ELP2: variants seen among roughly 807,000 people sequenced by gnomAD.
ELP2 encodes elongator acetyltransferase complex subunit 2, also known as elongator complex protein 2.
A neutral mutation model predicts 119.2 loss-of-function variants in ELP2; 90 were observed. The ratio of observed to expected loss-of-function variants is 0.75; its 90% CI spans 0.64 to 0.90. The LOEUF is 0.90. ELP2 is among the 40% of genes least tolerant of loss of function. ELP2 has a pLI of 0.00. For synonymous variants in ELP2, 339 were observed against 331.0 expected, an observed-to-expected ratio of 1.02 and a Z score of -0.26; for missense variants, 921 against 967.8, an observed-to-expected ratio of 0.95 and a Z score of 0.64.
rs1340596028 is a variant in ELP2 at position 36,146,269 on chromosome 18, G to A, written c.1013G>A (p.Gly338Asp). 6.2e-7 allele frequency: 1 copy of A among 1,613,998 alleles called. No individual in the cohort carries two copies. Among genetic ancestry groups the A allele is most frequent in the Non-Finnish European group, 8.5e-7 (1 of 1,179,988 alleles). ...GTACAGGTTCGAGTAGGTGAAGTAG[G>A]TGGGAATACTTTGGGATTTTATGAT... ...WLEQVRVGEV[G>D]GNTLGFYDCQ... Residue 338 changes from glycine (G) to aspartate (D), a missense_variant, in exon 11 of 22, where the codon GGT (glycine) becomes GAT (aspartate). Physicochemically the swap from Gly to Asp is moderately conservative, Grantham distance 94. Coordinates refer to ENST00000358232, the MANE Select transcript of ELP2 (RefSeq NM_018255.4).
intron 17 of ELP2, among the ~76,000 whole-genome samples, chr18:36,163,275 G>GGGGTGTGTGTGT (rs1555644861): frequency 1.1e-4 from 16 of 145,360 alleles, no homozygotes; most frequent in African/African-American, 3.3e-4. Flanking sequence ...GTTCATGGGG[G>GGGGTGTGTGTGT]GTGTGTGTGT....
Position 36,174,693 on chromosome 18 carries a change from T to A in ELP2, c.*52T>A. On this transcript the variant is annotated 3_prime_UTR_variant, in exon 22 of 22. Transcript: ENST00000358232. ...TCACTGGTATCTTAAAATATTATCA[T>A]GTAAACAGGTCATCTTTACCTTCAT... 1 of 1,570,400 alleles carries A rather than the reference T, an allele frequency of 6.4e-7. No homozygotes were observed.
intron 1 of ELP2, 89 bp from the exon 2 acceptor site, chr18:36,133,149 A>G: frequency 1.1e-6 from 1 of 893,046 alleles, no homozygotes; most frequent in Non-Finnish European, 1.8e-6. Context: ...TTTTACTAGC[A>G]TCGAAAACAC....
chr18:36,137,111 C>T (rs959966403), intron 3 of ELP2: 5 of 152,106 alleles, frequency 3.3e-5, no homozygotes, highest in East Asian at 1.9e-4. Context: ...TGTCATTCCC[C>T]GTCTCTAGTT....
At chr18:36,130,361 C>T (rs1198137727) in intron 1 of ELP2, among the ~76,000 whole-genome samples, 1 of 152,226 alleles carries the variant, frequency 6.6e-6, no homozygotes, top group African/African-American at 2.4e-5. Flanking sequence ...TACCTGAAGC[C>T]TTCCTTGGGA....
Position 36,178,484 on chromosome 18 carries a change from T to C in ELP2, c.*3843T>C, listed in dbSNP as rs2091270852. ...ATCCAGTGCAATGTATGAACCTTGT[T>C]TGCCTCTTGATCTGAACTAGCCAAT... On this transcript the variant is annotated 3_prime_UTR_variant, in exon 22 of 22. Coordinates refer to ENST00000358232, the MANE Select transcript of ELP2 (RefSeq NM_018255.4). 1 of 152,294 alleles carries C rather than the reference T, an allele frequency of 6.6e-6. No individual in the cohort carries two copies. The highest frequency in any genetic ancestry group is 2.4e-5 in the African/African-American group (1 of 41,570). 9.4% of individuals were successfully genotyped at this position (152,294 alleles called of 1,614,324 possible). A position where few individuals can be genotyped will look rare whatever the true frequency, so the allele number is the denominator to read the frequency against.
chr18:36,146,185 G>C (rs1025823800), intron 10 of ELP2, 65 bp from the exon 11 acceptor site: 1 of 1,604,998 alleles, frequency 6.2e-7, no homozygotes, highest in Admixed American at 1.7e-5. Context: ...TCTGGAATCA[G>C]CGATTTCTGT....
intron 8 of ELP2, among the ~76,000 whole-genome samples, chr18:36,143,780 A>G (rs963793004): frequency 2.0e-5 from 3 of 152,202 alleles, no homozygotes; most frequent in Non-Finnish European, 4.4e-5. Context: ...CATATTAGTA[A>G]GATTTTTAAA....
At chr18:36,135,731 T>C (rs553142033) in intron 2 of ELP2, among the ~76,000 whole-genome samples, 82 of 152,310 alleles carry the variant, frequency 5.4e-4, no homozygotes, top group Admixed American at 2.2e-3. Context: ...CAAGAGTGTT[T>C]AGCCTGCATC....
At chr18:36,139,611 C>G in intron 5 of ELP2, 1 of 1,527,546 alleles carries the variant, frequency 6.5e-7, no homozygotes, top group Non-Finnish European at 8.8e-7. Context: ...GCATTCAGGC[C>G]AAGTGACTGG....
chr18:36,168,586 A>ACTCACT (rs1234230197), intron 19 of ELP2, among the ~76,000 whole-genome samples: 4 of 152,094 alleles, frequency 2.6e-5, no homozygotes, highest in Non-Finnish European at 4.4e-5. Context: ...GTGAGAACTC[A>ACTCACT]CTCACTATCA....
chr18:36,169,998 CTG>C (rs2091029121), intron 19 of ELP2, 63 bp from the exon 20 acceptor site: 1 of 1,602,442 alleles, frequency 6.2e-7, no homozygotes, highest in Non-Finnish European at 8.5e-7. Flanking sequence ...GCCGATGAAA[CTG>C]TAGTACATGG....
intron 13 of ELP2, among the ~76,000 whole-genome samples, chr18:36,157,069 T>C (rs2090597658): frequency 1.3e-5 from 2 of 152,212 alleles, no homozygotes; most frequent in South Asian, 2.1e-4. Context: ...CTAAATCTTA[T>C]GGTACTAAAG....
rs779720002 is a variant in ELP2, at chr18:36,159,806, G to A, written c.1606G>A (p.Ala536Thr). ...TSTGFEYQQV[A>T]FQPSILTEPP... is the part of the protein sequence containing the mutation. ...TACTGGTTTTGAGTATCAGCAGGTG[G>A]CCTTTCAGCCCTCCATACTTACTGG... is the stretch of plus-strand genomic sequence containing the variant. The change falls in exon 15 of 22, where the codon GCC becomes ACC. Residue 536 changes from alanine (A) to threonine (T), a missense_variant. By Grantham distance (58) the Ala-to-Thr change is moderately conservative. Transcript: ENST00000358232. 5.0e-6 allele frequency: 8 copies of A among 1,613,946 alleles called. No individual in the cohort carries two copies. Among genetic ancestry groups the A allele is most frequent in the East Asian group, 2.2e-5 (1 of 44,874 alleles).
intron 21 of ELP2, among the ~76,000 whole-genome samples, chr18:36,172,934 A>G (rs1257093296): frequency 1.3e-5 from 2 of 152,236 alleles, no homozygotes; most frequent in Non-Finnish European, 2.9e-5. Flanking sequence ...CCAAGTTCCA[A>G]GTACCTTTCA....
chr18:36,162,630 T>G (rs777133460), intron 17 of ELP2, among the ~76,000 whole-genome samples: 3 of 152,208 alleles, frequency 2.0e-5, no homozygotes, highest in African/African-American at 4.8e-5. Context: ...ATTTAAAATT[T>G]TAAGACAATT....
chr18:36,129,913 T>C lies in ELP2; in HGVS notation c.-21T>C. 1 of 1,614,144 alleles carries C rather than the reference T, an allele frequency of 6.2e-7. No homozygotes were observed. The highest frequency in any genetic ancestry group is 1.3e-5 in the African/African-American group (1 of 75,034). Reference sequence around the variant, plus strand: ...GGCGGAAGTGCGCGTCTCTTGTTTGTGCGGCTGACCAGTTGGCGACATGGT... The same window carrying C: ...GGCGGAAGTGCGCGTCTCTTGTTTGCGCGGCTGACCAGTTGGCGACATGGT... On this transcript the variant is annotated 5_prime_UTR_variant, in exon 1 of 22. Coordinates refer to ENST00000358232, the MANE Select transcript of ELP2 (RefSeq NM_018255.4).
chr18:36,168,907 C>T (rs372178514), intron 19 of ELP2, among the ~76,000 whole-genome samples: 4 of 130,308 alleles, frequency 3.1e-5, no homozygotes, highest in African/African-American at 1.1e-4. Flanking sequence ...ACTTCTCTCT[C>T]CATTTCTTTT....
chr18:36,155,871 T>A (rs1313194779), intron 12 of ELP2, among the ~76,000 whole-genome samples: 1 of 152,156 alleles, frequency 6.6e-6, no homozygotes, highest in Non-Finnish European at 1.5e-5. Context: ...TTTAAGGAAA[T>A]TTTCACTGTG....
Sources: gnomAD v4.1 joint callset for allele counts (sites outside exome capture counted in the v4.1 genomes callset) on GRCh38, gnomAD v4.1.1 for gene constraint, MANE v1.5 for transcripts, NCBI Gene and HGNC (gene_info 2026-07-23, HGNC 2026-07-21) for gene names.